The following CAMTA1 variants were observed in gnomAD, a reference collection of about 807,000 sequenced individuals.
The protein encoded by CAMTA1 is calmodulin binding transcription activator 1.
In CAMTA1, 27 loss-of-function variants were observed where a neutral mutation model predicts 170.9. The observed-to-expected ratio is 0.16, with a 90% confidence interval of 0.12 to 0.22. CAMTA1 has a LOEUF of 0.22. CAMTA1 is among the 10% of genes least tolerant of loss of function. The probability of loss-of-function intolerance (pLI) is 1.00; values close to 1 mark genes in which losing one functional copy is unlikely to be tolerated. For synonymous variants in CAMTA1, 833 were observed against 891.5 expected (o/e 0.93, Z 1.17); for missense variants, 1,619 against 2,217.2 (o/e 0.73, Z 5.42).
At chr1:7,281,811 G>GTGTT (rs1471174451) in intron 5 of CAMTA1, among the ~76,000 whole-genome samples, 6 of 145,062 alleles carry the variant, frequency 4.1e-5, no homozygotes, top group Non-Finnish European at 7.5e-5. Context: ...GTGTGTGTGT[G>GTGTT]TGTGTGTGTG....
At chr1:6,852,165 A>G (rs1660643037) in intron 3 of CAMTA1, among the ~76,000 whole-genome samples, 1 of 152,214 alleles carries the variant, frequency 6.6e-6, no homozygotes, top group Non-Finnish European at 1.5e-5. Flanking sequence ...GAAGGTAAAC[A>G]GCCAAACTAG....
chr1:7,317,247 C>A lies in CAMTA1; in HGVS notation c.438+67621C>A, dbSNP rs532284577. Reference sequence around the variant, plus strand: ...AGGCGTGTGGTCCTGGGACAGCCCACCTGACTCTGATCTTCCCCATCACTT... The same window carrying A: ...AGGCGTGTGGTCCTGGGACAGCCCAACTGACTCTGATCTTCCCCATCACTT... On this transcript the variant is annotated intron_variant, in intron 5 of 22. Coordinates refer to ENST00000303635, the MANE Select transcript of CAMTA1 (RefSeq NM_015215.4). Among the ~76,000 whole-genome samples, 26 of 152,328 alleles carry A rather than the reference C, an allele frequency of 1.7e-4. 1 individual carries two copies. In the East Asian group the frequency reaches 5.0e-3, roughly 29 times the overall value.
chr1:6,816,802 C>T (rs541304395), intron 1 of CAMTA1, among the ~76,000 whole-genome samples: 5 of 152,252 alleles, frequency 3.3e-5, no homozygotes, highest in African/African-American at 4.8e-5. Context: ...TGCAGACAGG[C>T]GCCTAGAGGG....
chr1:7,458,064 T>G (rs1750840), intron 5 of CAMTA1, among the ~76,000 whole-genome samples: 3 of 145,144 alleles, frequency 2.1e-5, no homozygotes, highest in South Asian at 2.4e-4. Context: ...GCTTCCTGTC[T>G]GGGGGTGGGG....
At chr1:7,282,727 A>G (rs1671696121) in intron 5 of CAMTA1, among the ~76,000 whole-genome samples, 1 of 152,074 alleles carries the variant, frequency 6.6e-6, no homozygotes, top group Admixed American at 6.5e-5. Context: ...GAGGGAGGGA[A>G]ATAGATTGGG....
chr1:7,323,353 TC>T (rs1484720458), intron 5 of CAMTA1, among the ~76,000 whole-genome samples: 1 of 152,010 alleles, frequency 6.6e-6, no homozygotes, highest in Non-Finnish European at 1.5e-5. Flanking sequence ...CCTCCAGATA[TC>T]CATGTGGCTT....
intron 5 of CAMTA1, among the ~76,000 whole-genome samples, chr1:7,254,061 C>T (rs1667006318): frequency 6.6e-6 from 1 of 151,960 alleles, no homozygotes; most frequent in Non-Finnish European, 1.5e-5. Flanking sequence ...GCCGACTTGG[C>T]CTGAAGGAAG....
At chr1:7,528,708 G>A (rs1408372179) in intron 6 of CAMTA1, among the ~76,000 whole-genome samples, 1 of 152,138 alleles carries the variant, frequency 6.6e-6, no homozygotes, top group Admixed American at 6.5e-5. Flanking sequence ...AGTGAGAAAG[G>A]CAGAATTGGA....
At chr1:6,979,185 C>G (rs1395448670) in intron 3 of CAMTA1, among the ~76,000 whole-genome samples, 1 of 152,102 alleles carries the variant, frequency 6.6e-6, no homozygotes, top group African/African-American at 2.4e-5. Context: ...AGGGGTGGAC[C>G]AGGCCTGGCA....
At chr1:7,123,631 C>T (rs937203643) in intron 4 of CAMTA1, among the ~76,000 whole-genome samples, 10 of 152,220 alleles carry the variant, frequency 6.6e-5, no homozygotes, top group Non-Finnish European at 1.5e-4. Flanking sequence ...AAGCCCTGGG[C>T]ACCCAGCCTG....
At chr1:6,977,546 C>T in intron 3 of CAMTA1, among the ~76,000 whole-genome samples, 1 of 152,110 alleles carries the variant, frequency 6.6e-6, no homozygotes, top group East Asian at 1.9e-4. Context: ...TTCACCATGT[C>T]AGCCAGGATG....
chr1:7,142,909 C>T (rs1645970524), intron 4 of CAMTA1, among the ~76,000 whole-genome samples: 1 of 152,252 alleles, frequency 6.6e-6, no homozygotes, highest in Non-Finnish European at 1.5e-5. Flanking sequence ...AGGCTGGACC[C>T]ATTGGCTTTC....
chr1:7,337,581 A>G lies in CAMTA1; in HGVS notation c.438+87955A>G, dbSNP rs1158982206. Among the ~76,000 whole-genome samples the G allele has an allele frequency of 7.3e-5, 11 of 151,324 alleles. 1 individual carries two copies. The highest frequency in any genetic ancestry group is 2.1e-4 in the South Asian group (1 of 4,774). On this transcript the variant is annotated intron_variant, in intron 5 of 22. Coordinates refer to ENST00000303635, the MANE Select transcript of CAMTA1 (RefSeq NM_015215.4). ...CAGTGTGGGCAGTGGGCCTCATCCA[A>G]TCACAGTGTGGGCAGTGGGCCTCAT... is the stretch of plus-strand genomic sequence containing the variant.
intron 5 of CAMTA1, among the ~76,000 whole-genome samples, chr1:7,388,029 TTGTC>T (rs2088210989): frequency 6.6e-6 from 1 of 152,186 alleles, no homozygotes; most frequent in Non-Finnish European, 1.5e-5. Flanking sequence ...TGGGCTTTCT[TTGTC>T]TGTGACTTGA....
In CAMTA1 at chr1:7,519,738, C is replaced by T. The variant is rs1002896274; in HGVS notation, c.510+51837C>T. On this transcript the variant is annotated intron_variant, in intron 6 of 22. Coordinates refer to ENST00000303635, the MANE Select transcript of CAMTA1 (RefSeq NM_015215.4). ...GGGCTAATCCTTTGTCCCCTTACTCCTCCTCAGGGGCTCCTTCTCTCCCTG... is the reference window on the plus strand; with the variant it reads ...GGGCTAATCCTTTGTCCCCTTACTCTTCCTCAGGGGCTCCTTCTCTCCCTG... 2.0e-5 allele frequency among the ~76,000 whole-genome samples: 3 copies of T among 151,676 alleles called. No homozygotes were observed. The South Asian group carries it at 6.2e-4, about 31-fold the overall frequency.
intron 3 of CAMTA1, among the ~76,000 whole-genome samples, chr1:7,035,835 A>G (rs1414527280): frequency 6.6e-6 from 1 of 152,238 alleles, no homozygotes; most frequent in African/African-American, 2.4e-5. Context: ...TTTAAAGTTC[A>G]TCAGTAGTAG....
Position 7,372,084 on chromosome 1 carries a change from C to T in CAMTA1, c.439-95746C>T, listed in dbSNP as rs200497581. 6.6e-5 allele frequency among the ~76,000 whole-genome samples: 10 copies of T among 152,188 alleles called. No individual in the cohort carries two copies. The South Asian group carries it at 1.0e-3, about 16-fold the overall frequency. Reference sequence around the variant, plus strand: ...CTCTGACCTCTCCCTGAAGCTTCTACGCCAGTAGTGTGGCTTGGGCTCACA... The same window carrying T: ...CTCTGACCTCTCCCTGAAGCTTCTATGCCAGTAGTGTGGCTTGGGCTCACA... On this transcript the variant is annotated intron_variant, in intron 5 of 22. Coordinates refer to ENST00000303635, the MANE Select transcript of CAMTA1 (RefSeq NM_015215.4).
chr1:7,390,948 A>G (rs1013246271), intron 5 of CAMTA1, among the ~76,000 whole-genome samples: 1 of 151,752 alleles, frequency 6.6e-6, no homozygotes, highest in Non-Finnish European at 1.5e-5. Flanking sequence ...TGAGTGGTGC[A>G]TCCAGCTGGT....
chr1:7,049,665 T>C (rs1044776291), intron 3 of CAMTA1, among the ~76,000 whole-genome samples: 3 of 152,152 alleles, frequency 2.0e-5, no homozygotes, highest in Non-Finnish European at 4.4e-5. Context: ...TCATGGTGGC[T>C]AGGCTGGTCT....
Sources: allele counts gnomAD v4.1 joint callset (sites outside exome capture counted in the v4.1 genomes callset), GRCh38; gene constraint gnomAD v4.1.1; transcripts MANE v1.5; gene names NCBI Gene and HGNC (gene_info 2026-07-23, HGNC 2026-07-21).